The following ITFG1 variants were observed in gnomAD, a reference collection of about 807,000 sequenced individuals.
ITFG1 encodes T-cell immunomodulatory protein.
ITFG1 carries 34 observed loss-of-function variants against 81.8 expected under a neutral mutation model. The ratio of observed to expected loss-of-function variants is 0.42; its 90% CI spans 0.32 to 0.55. ITFG1 has a LOEUF of 0.55. Among genes scored for constraint, ITFG1 ranks in the 20% least tolerant of loss-of-function variants. The pLI is 0.17. For synonymous variants in ITFG1, 285 were observed against 270.6 expected (o/e 1.05, Z -0.52); for missense variants, 672 against 755.4 (o/e 0.89, Z 1.29).
intron 13 of ITFG1, among the ~76,000 whole-genome samples, chr16:47,235,400 G>A (rs764782233): frequency 6.6e-6 from 1 of 152,180 alleles, no homozygotes; most frequent in Non-Finnish European, 1.5e-5. Context: ...GAGTGGGAGG[G>A]CTGGAAAATA....
chr16:47,404,131 G>T (rs1968698455), intron 6 of ITFG1, among the ~76,000 whole-genome samples: 1 of 152,076 alleles, frequency 6.6e-6, no homozygotes, highest in African/African-American at 2.4e-5. Flanking sequence ...ATTCTCTGGG[G>T]CCAAAAGGGT....
intron 10 of ITFG1, among the ~76,000 whole-genome samples, chr16:47,291,387 A>G (rs763108072): frequency 6.6e-6 from 1 of 151,770 alleles, no homozygotes; most frequent in African/African-American, 2.4e-5. Flanking sequence ...TGTCTCTGCC[A>G]TTTGACCATT....
intron 6 of ITFG1, among the ~76,000 whole-genome samples, chr16:47,394,817 G>C (rs994609537): frequency 6.6e-6 from 1 of 152,050 alleles, no homozygotes; most frequent in Non-Finnish European, 1.5e-5. Flanking sequence ...GAGTGCAAAG[G>C]GTGAAATGAG....
At chr16:47,205,850 A>ATCTATCTC (rs967328563) in intron 14 of ITFG1, among the ~76,000 whole-genome samples, 2 of 128,112 alleles carry the variant, frequency 1.6e-5, no homozygotes, top group African/African-American at 5.1e-5. Context: ...CTATCTATCT[A>ATCTATCTC]TCTATCTATC....
intron 6 of ITFG1, among the ~76,000 whole-genome samples, chr16:47,404,516 C>A (rs1390148304): frequency 2.0e-5 from 3 of 152,138 alleles, no homozygotes; most frequent in Non-Finnish European, 2.9e-5. Context: ...AAACAGGTAG[C>A]CCCTTTGCCA....
At chr16:47,244,295 G>A (rs1965970597) in intron 12 of ITFG1, among the ~76,000 whole-genome samples, 1 of 152,132 alleles carries the variant, frequency 6.6e-6, no homozygotes, top group Admixed American at 6.5e-5. Context: ...CTGATTCATG[G>A]CCAGTTAGTC....
intron 6 of ITFG1, among the ~76,000 whole-genome samples, chr16:47,380,946 A>G (rs1392583184): frequency 1.3e-5 from 2 of 152,236 alleles, no homozygotes; most frequent in Non-Finnish European, 2.9e-5. Flanking sequence ...AACAAGTAAA[A>G]TAGTGAAAAT....
intron 8 of ITFG1, among the ~76,000 whole-genome samples, chr16:47,345,219 A>T (rs1436067377): frequency 2.6e-5 from 4 of 152,134 alleles, no homozygotes; most frequent in Non-Finnish European, 5.9e-5. Context: ...AATGGTCTTG[A>T]GCTACACATG....
chr16:47,229,170 T>C (rs1243989341), intron 13 of ITFG1, among the ~76,000 whole-genome samples: 7 of 152,012 alleles, frequency 4.6e-5, no homozygotes, highest in Admixed American at 4.6e-4. Context: ...CTTTAAACTA[T>C]AATAAGTGAC....
Position 47,437,837 on chromosome 16 carries a change from C to T in ITFG1, c.561-8939G>A, listed in dbSNP as rs762934006. Among the ~76,000 whole-genome samples the T allele has an allele frequency of 9.2e-5, 14 of 152,252 alleles. 1 individual carries two copies. The highest frequency in any genetic ancestry group is 4.6e-4 in the Admixed American group (7 of 15,292). ...CCGGGTACATCTCACTGGGGAATGCCGGACAGTGGGTGCAGCGCACCGTGT... is the reference window on the plus strand; with the variant it reads ...CCGGGTACATCTCACTGGGGAATGCTGGACAGTGGGTGCAGCGCACCGTGT... On this transcript the variant is annotated intron_variant, in intron 5 of 17. Transcript: ENST00000320640.
chr16:47,349,857 T>C (rs1269782018), intron 8 of ITFG1, among the ~76,000 whole-genome samples: 1 of 152,280 alleles, frequency 6.6e-6, no homozygotes, highest in East Asian at 1.9e-4. Flanking sequence ...TATAACAAAC[T>C]GTCTCTCAGA....
intron 12 of ITFG1, among the ~76,000 whole-genome samples, chr16:47,255,132 G>A (rs1216358627): frequency 1.3e-5 from 2 of 152,066 alleles, no homozygotes; most frequent in African/African-American, 2.4e-5. Flanking sequence ...ATGAAAGAAG[G>A]AAAAATCCCA....
chr16:47,429,166 A>T (rs1418711539), intron 5 of ITFG1, among the ~76,000 whole-genome samples: 1 of 152,218 alleles, frequency 6.6e-6, no homozygotes, highest in South Asian at 2.1e-4. Context: ...ACAAATCTGC[A>T]TTCTGTCTCT....
chr16:47,399,839 G>A (rs1299984437), intron 6 of ITFG1, among the ~76,000 whole-genome samples: 1 of 152,140 alleles, frequency 6.6e-6, no homozygotes, highest in East Asian at 1.9e-4. Context: ...GGCAATCTCT[G>A]TCAGTGGGGT....
chr16:47,458,994 T>C lies in ITFG1; in HGVS notation c.281+109A>G, dbSNP rs557267109. Reference sequence around the variant, plus strand: ...CTACTCATACCTCACAAACAGTGGTTTTGCATCCCAACACTAAGGCTGACT... The same window carrying C: ...CTACTCATACCTCACAAACAGTGGTCTTGCATCCCAACACTAAGGCTGACT... On this transcript the variant is annotated intron_variant, in intron 2 of 17. Transcript: ENST00000320640. The C allele has an allele frequency of 4.4e-6, 3 of 674,450 alleles. No homozygotes were observed. In the African/African-American group the frequency reaches 5.4e-5, roughly 12 times the overall value. 41.8% of individuals were successfully genotyped at this position (674,450 alleles called of 1,614,324 possible). A position where few individuals can be genotyped will look rare whatever the true frequency, so the allele number is the denominator to read the frequency against.
intron 10 of ITFG1, among the ~76,000 whole-genome samples, chr16:47,303,910 T>C (rs767889413): frequency 6.6e-6 from 1 of 152,172 alleles, no homozygotes; most frequent in African/African-American, 2.4e-5. Context: ...GATTACAGAC[T>C]TGAGCCACCA....
intron 12 of ITFG1, among the ~76,000 whole-genome samples, chr16:47,238,728 C>G (rs1373100202): frequency 1.3e-5 from 2 of 151,920 alleles, no homozygotes; most frequent in Non-Finnish European, 2.9e-5. Flanking sequence ...GCTGATAGTT[C>G]TCAGTGGGCA....
intron 14 of ITFG1, chr16:47,218,611 T>C (rs1195578117): frequency 4.5e-6 from 1 of 221,056 alleles, no homozygotes; most frequent in African/African-American, 2.3e-5. Context: ...ACCCAATCTC[T>C]CTGCTACTTC....
At chr16:47,224,263 G>T (rs1287407011) in intron 13 of ITFG1, among the ~76,000 whole-genome samples, 1 of 152,216 alleles carries the variant, frequency 6.6e-6, no homozygotes, top group Non-Finnish European at 1.5e-5. Context: ...GTTTAACATT[G>T]CAGCTGCCTG....
Sources: allele counts gnomAD v4.1 joint callset (sites outside exome capture counted in the v4.1 genomes callset), GRCh38; gene constraint gnomAD v4.1.1; transcripts MANE v1.5; gene names NCBI Gene and HGNC (gene_info 2026-07-23, HGNC 2026-07-21).